Variants in SLC12A2 observed in about 807,000 individuals in gnomAD.
SLC12A2 encodes solute carrier family 12 member 2.
A neutral mutation model predicts 136.3 loss-of-function variants in SLC12A2; 67 were observed. That is an observed-to-expected ratio of 0.49 (90% CI 0.40 to 0.60). The LOEUF is 0.60. Among genes scored for constraint, SLC12A2 ranks in the 20% least tolerant of loss-of-function variants. SLC12A2 has a pLI of 0.00. For synonymous variants in SLC12A2, 619 were observed against 562.9 expected (o/e 1.10, Z -1.41); for missense variants, 1,322 against 1,534.7 (o/e 0.86, Z 2.32).
chr5:128,105,141 T>C (rs1407626075), intron 1 of SLC12A2, among the ~76,000 whole-genome samples: 1 of 152,236 alleles, frequency 6.6e-6, no homozygotes, highest in Non-Finnish European at 1.5e-5. Flanking sequence ...ATTGACAAGT[T>C]CTTTTTATCT....
rs1292565402 is a variant in SLC12A2 at position 128,131,140 on chromosome 5, T to G, written c.1122T>G (p.Phe374Leu). 1.2e-6 allele frequency: 2 copies of G among 1,614,222 alleles called. No homozygotes were observed. Among genetic ancestry groups the G allele is most frequent in the Non-Finnish European group, 1.7e-6 (2 of 1,180,038 alleles). The part of the protein sequence containing the change: ...FGGAIGLIFA[F>L]ANAVAVAMYV... ...GTGCAATTGGTCTAATCTTCGCCTTTGCCAACGCTGTTGCAGTTGCTATGT... is the reference window on the plus strand; with the variant it reads ...GTGCAATTGGTCTAATCTTCGCCTTGGCCAACGCTGTTGCAGTTGCTATGT... Residue 374 changes from phenylalanine to leucine, a missense_variant, in exon 5 of 27, where the codon TTT becomes TTG. Phe to Leu is a conservative substitution (Grantham distance 22, BLOSUM62 0). Around this residue, in one of 8 missense-constraint regions of SLC12A2, gnomAD observed 71 missense variants for 131.0 expected, o/e 0.54. Coordinates refer to ENST00000262461, the MANE Select transcript of SLC12A2 (RefSeq NM_001046.3).
chr5:128,150,450 T>C (rs751003284), intron 13 of SLC12A2, among the ~76,000 whole-genome samples: 2 of 151,802 alleles, frequency 1.3e-5, no homozygotes, highest in African/African-American at 2.4e-5. Context: ...TTTAACACGA[T>C]GAGTTCTGTA....
intron 15 of SLC12A2, among the ~76,000 whole-genome samples, chr5:128,154,275 A>G (rs1762803205): frequency 6.6e-6 from 1 of 151,956 alleles, no homozygotes; most frequent in African/African-American, 2.4e-5. Context: ...AAAATTTACA[A>G]AATAGCCAAG....
intron 16 of SLC12A2, among the ~76,000 whole-genome samples, chr5:128,159,436 G>T (rs558505958): frequency 6.6e-6 from 1 of 152,278 alleles, no homozygotes; most frequent in East Asian, 1.9e-4. Flanking sequence ...CTTCTGCACA[G>T]CAAGAGAAAC....
intron 4 of SLC12A2, among the ~76,000 whole-genome samples, chr5:128,116,278 GA>G (rs1298958602): frequency 1.3e-5 from 2 of 151,982 alleles, no homozygotes; most frequent in Non-Finnish European, 2.9e-5. Context: ...TCCCCCATTT[GA>G]ATCAGATTTT....
intron 2 of SLC12A2, 100 bp from the exon 3 acceptor site, chr5:128,114,112 A>AT: frequency 4.9e-6 from 4 of 811,288 alleles, no homozygotes; most frequent in Middle Eastern, 2.3e-4. Context: ...TATCTTCTGT[A>AT]GTTTCAAATG....
At chr5:128,110,387 C>T (rs1581069250) in intron 1 of SLC12A2, 1 of 1,016,946 alleles carries the variant, frequency 9.8e-7, no homozygotes, top group East Asian at 2.4e-5. Flanking sequence ...CCTGGGAAAG[C>T]AAAAACTCCA....
chr5:128,171,907 G>A (rs1763386791), intron 19 of SLC12A2, 161 bp downstream of exon 19: 1 of 491,556 alleles, frequency 2.0e-6, no homozygotes, highest in African/African-American at 2.0e-5. Flanking sequence ...CTCCACTAAA[G>A]TTTGTGTTTT....
chr5:128,109,687 A>C (rs1291338462), intron 1 of SLC12A2: 1 of 1,127,572 alleles, frequency 8.9e-7, no homozygotes, highest in African/African-American at 1.6e-5. Context: ...CAGGCGAAAA[A>C]GTCTTCCAGG....
chr5:128,092,372 G>C (rs750749616), intron 1 of SLC12A2, among the ~76,000 whole-genome samples: 1 of 152,126 alleles, frequency 6.6e-6, no homozygotes, highest in Non-Finnish European at 1.5e-5. Context: ...TAGGGCTGAC[G>C]GTCTTGGAAA....
intron 18 of SLC12A2, chr5:128,169,572 C>A (rs1763305674): frequency 6.6e-6 from 1 of 152,126 alleles, no homozygotes; most frequent in Non-Finnish European, 1.5e-5. Flanking sequence ...TATGTTGTTA[C>A]TACTGCTGAG....
intron 9 of SLC12A2, among the ~76,000 whole-genome samples, chr5:128,141,340 CAG>C (rs1408812856): frequency 3.3e-5 from 5 of 152,072 alleles, no homozygotes; most frequent in Middle Eastern, 3.2e-3. Context: ...ATATTTGAGA[CAG>C]AGATTTAAAT....
intron 15 of SLC12A2, among the ~76,000 whole-genome samples, chr5:128,156,376 T>G (rs1762871321): frequency 6.6e-6 from 1 of 152,154 alleles, no homozygotes; most frequent in Non-Finnish European, 1.5e-5. Flanking sequence ...AAAAATCTCT[T>G]TATGCCGTGG....
chr5:128,152,540 A>T (rs1762737166), intron 14 of SLC12A2, among the ~76,000 whole-genome samples, 166 bp from the exon 15 acceptor site: 1 of 152,248 alleles, frequency 6.6e-6, no homozygotes, highest in Non-Finnish European at 1.5e-5. Context: ...TCAGATTATC[A>T]GTCTTAATAT....
chr5:128,085,417 A>G (rs1281989685), intron 1 of SLC12A2, among the ~76,000 whole-genome samples: 1 of 152,168 alleles, frequency 6.6e-6, no homozygotes, highest in African/African-American at 2.4e-5. Context: ...TCTGTAGAGG[A>G]TGACCAGAAA....
intron 24 of SLC12A2, among the ~76,000 whole-genome samples, chr5:128,183,800 G>T (rs755768615): frequency 6.6e-6 from 1 of 151,968 alleles, no homozygotes; most frequent in African/African-American, 2.4e-5. Flanking sequence ...TGCTCAAAGG[G>T]ATCATGTTAG....
intron 4 of SLC12A2, among the ~76,000 whole-genome samples, chr5:128,126,971 T>TATATATATATATATATATATATATAA (rs1347112296): frequency 1.6e-5 from 2 of 123,054 alleles, no homozygotes; most frequent in African/African-American, 7.7e-5. Flanking sequence ...TATATATTTT[T>TATATATATATATATATATATATATAA]TTTTTTTTTT....
chr5:128,142,069 T>A, intron 10 of SLC12A2, 88 bp downstream of exon 10: 1 of 1,110,568 alleles, frequency 9.0e-7, no homozygotes, highest in Non-Finnish European at 1.3e-6. Flanking sequence ...AATATAGCTG[T>A]AACATAGAAG....
At position 128,121,483 on chromosome 5, in the gene SLC12A2, C is replaced by T. The variant is rs143798866; in HGVS notation, c.1048+6802C>T. Among the ~76,000 whole-genome samples the T allele has an allele frequency of 7.6e-3, 1,147 of 151,918 alleles. 11 individuals are homozygous for T. Among genetic ancestry groups the T allele is most frequent in the Non-Finnish European group, 0.012 (802 of 67,950 alleles). On this transcript the variant is annotated intron_variant, in intron 4 of 26. Coordinates refer to ENST00000262461, the MANE Select transcript of SLC12A2 (RefSeq NM_001046.3). ...GACTACAGGTACCTGCCACCACGCC[C>T]GGCTAATTTTTTGTATTTTTAGTAG...
Sources: gnomAD v4.1 joint callset for allele counts (sites outside exome capture counted in the v4.1 genomes callset) on GRCh38, gnomAD v4.1.1 for gene constraint, gnomAD v4.1.1 regional missense constraint, MANE v1.5 for transcripts, NCBI Gene and HGNC (gene_info 2026-07-23, HGNC 2026-07-21) for gene names.